EPHA1: variants seen among roughly 807,000 people sequenced by gnomAD.
EPHA1 encodes EPH receptor A1, also known as ephrin type-A receptor 1.
Under a neutral mutation model 110.1 loss-of-function variants are expected in EPHA1, and 92 were observed. The ratio of observed to expected loss-of-function variants is 0.84; its 90% CI spans 0.71 to 0.99. The LOEUF (loss-of-function observed/expected upper bound fraction) is 0.99, where lower values mean the gene tolerates loss of function less well. EPHA1 is among the 50% of genes least tolerant of loss of function. EPHA1 has a pLI of 0.00. For synonymous variants in EPHA1, 500 were observed against 516.1 expected (o/e 0.97, Z 0.42); for missense variants, 1,204 against 1,285.4 (o/e 0.94, Z 0.97).
chr7:143,396,572 G>A, intron 10 of EPHA1, 62 bp from the exon 11 acceptor site: 4 of 1,587,694 alleles, frequency 2.5e-6, no homozygotes, highest in Non-Finnish European at 3.4e-6. Context: ...TGGGGGTCAG[G>A]AGAAGGGCCA....
chr7:143,403,723 C>G (rs1805478554), intron 2 of EPHA1, among the ~76,000 whole-genome samples: 1 of 152,192 alleles, frequency 6.6e-6, no homozygotes, highest in Non-Finnish European at 1.5e-5. Context: ...ATACTAATAA[C>G]CTTTTTGCCT....
chr7:143,408,450 T>C (rs118005722), intron 1 of EPHA1, among the ~76,000 whole-genome samples: 2,972 of 152,104 alleles, frequency 0.02, 47 homozygotes, highest in Non-Finnish European at 0.029. Flanking sequence ...TGCTACTTCC[T>C]GGCAAGGGTC....
chr7:143,408,735 C>T lies in EPHA1; in HGVS notation c.71G>A (p.Arg24His), dbSNP rs79587607. 0.022 allele frequency: 21,140 copies of T among 948,062 alleles called. 1,638 individuals carry two copies. In the East Asian group the frequency reaches 0.3, roughly 13 times the overall value. The allele number at this position is 948,062 out of a possible 1,614,324, so 58.7% of individuals were successfully genotyped here. A position where few individuals can be genotyped will look rare whatever the true frequency, so the allele number is the denominator to read the frequency against. ...LLCAPLPPGARAKEVTLMDTS... is the reference protein window; with the variant it reads ...LLCAPLPPGAHAKEVTLMDTS... Reference sequence around the variant, plus strand: ...GCGGGGGTCGGTACCTTCCTTGGCGCGCGCCCCCGGGGGCAGCGGGGCGCA... The same window carrying T: ...GCGGGGGTCGGTACCTTCCTTGGCGTGCGCCCCCGGGGGCAGCGGGGCGCA... The change falls in exon 1 of 18, where the codon CGC becomes CAC. Residue 24 changes from arginine (R) to histidine (H), a missense_variant. Arg to His is a conservative substitution (Grantham distance 29). Coordinates refer to ENST00000275815, the MANE Select transcript of EPHA1 (RefSeq NM_005232.5).
chr7:143,400,221 G>A (rs1004508645), intron 3 of EPHA1, among the ~76,000 whole-genome samples, 168 bp from the exon 4 acceptor site: 2 of 152,198 alleles, frequency 1.3e-5, no homozygotes, highest in South Asian at 4.1e-4. Context: ...TTTAGCTCAT[G>A]CAATCCTCTT....
chr7:143,391,813 G>A, intron 16 of EPHA1, 38 bp from the exon 17 acceptor site: 2 of 1,605,938 alleles, frequency 1.2e-6, no homozygotes, highest in Non-Finnish European at 1.7e-6. Context: ...GCGGGTACAT[G>A]GGCTGATCTG....
intron 4 of EPHA1, 105 bp from the exon 5 acceptor site, chr7:143,399,518 A>C: frequency 3.9e-6 from 6 of 1,550,190 alleles, no homozygotes; most frequent in Non-Finnish European, 5.2e-6. Context: ...ACATCTCTGC[A>C]TGTGTGTGTC....
intron 1 of EPHA1, 69 bp downstream of exon 1, chr7:143,408,655 G>C (rs1805625717): frequency 7.7e-6 from 3 of 390,520 alleles, no homozygotes; most frequent in East Asian, 3.7e-5. Context: ...CTTCTGCAGG[G>C]GGGTGCTGGC....
In EPHA1 at chr7:143,398,379, C is replaced by T. The variant is rs758540262; in HGVS notation, c.1406G>A (p.Gly469Glu). The change falls in exon 7 of 18, where the codon GGG (glycine) becomes GAG (glutamate). Residue 469 changes from glycine (G) to glutamate (E), a missense_variant. Gly to Glu is a moderately conservative substitution (Grantham distance 98). Transcript: ENST00000275815. ...CGCCCCAGGGCTTCGGGGCCGGGAC[C>T]CCGCCCAGGTCAGCTCTAGTTGCCT... ...EPRQLELTWA[G>E]SRPRSPGANL... is the part of the protein sequence containing the mutation. The T allele has an allele frequency of 3.5e-5, 56 of 1,614,000 alleles. No homozygotes were observed. The highest frequency in any genetic ancestry group is 4.6e-5 in the Non-Finnish European group (54 of 1,180,010).
At chr7:143,404,499 G>A (rs1050779059) in intron 2 of EPHA1, among the ~76,000 whole-genome samples, 7 of 152,176 alleles carry the variant, frequency 4.6e-5, no homozygotes, top group African/African-American at 9.7e-5. Flanking sequence ...TTACAGGTGT[G>A]AGCCACCGCG....
At chr7:143,402,535 G>GGTAT (rs1805452675) in intron 2 of EPHA1, among the ~76,000 whole-genome samples, 1 of 152,176 alleles carries the variant, frequency 6.6e-6, no homozygotes, top group Non-Finnish European at 1.5e-5. Context: ...TGGGATTACA[G>GGTAT]GCATGCACCA....
chr7:143,392,558 C>G (rs781552192), intron 16 of EPHA1, among the ~76,000 whole-genome samples: 17 of 150,532 alleles, frequency 1.1e-4, no homozygotes, highest in Middle Eastern at 6.8e-3. Context: ...GCTCCCCCAC[C>G]CCCCCATCAG....
In EPHA1 at chr7:143,401,571, G is replaced by T; in HGVS notation, c.185C>A (p.Pro62His). 6.2e-7 allele frequency: 1 copy of T among 1,614,030 alleles called. No homozygotes were observed. Among genetic ancestry groups the T allele is most frequent in the Non-Finnish European group, 8.5e-7 (1 of 1,179,954 alleles). ...SEQQQILNGTPLYMYQDCPMQ... is the reference protein window; with the variant it reads ...SEQQQILNGTHLYMYQDCPMQ... Reference sequence around the variant, plus strand: ...TGGGCAGTCCTGGTACATGTACAGGGGTGTCCCATTCAGTATCTGTTGCTG... The same window carrying T: ...TGGGCAGTCCTGGTACATGTACAGGTGTGTCCCATTCAGTATCTGTTGCTG... Residue 62 changes from proline to histidine, a missense_variant, in exon 3 of 18, where the codon CCC becomes CAC. Coordinates refer to ENST00000275815, the MANE Select transcript of EPHA1 (RefSeq NM_005232.5). This position sits in a 1 kb window ranked among gnomAD's most constrained non-coding sequence, Gnocchi z 4.1.
At position 143,401,413 on chromosome 7, in the gene EPHA1, G is replaced by A. The variant is rs759367292; in HGVS notation, c.343C>T (p.Pro115Ser). 4 of 1,613,984 alleles carry A rather than the reference G, an allele frequency of 2.5e-6. No individual in the cohort carries two copies. The highest frequency in any genetic ancestry group is 8.5e-7 in the Non-Finnish European group (1 of 1,180,038). ...DCKSFPGGAG[P>S]LGCKETFNLL... ...TTGAAGGTCTCCTTGCAGCCCAGAGGCCCGGCTCCCCCAGGGAAACTCTTG... is the reference window on the plus strand; with the variant it reads ...TTGAAGGTCTCCTTGCAGCCCAGAGACCCGGCTCCCCCAGGGAAACTCTTG... Residue 115 changes from proline (P) to serine (S), a missense_variant, in exon 3 of 18, where the codon CCT becomes TCT. Pro to Ser is a moderately conservative substitution (Grantham distance 74). Transcript: ENST00000275815. The surrounding 1 kb of genome is among the most constrained non-coding windows in gnomAD (Gnocchi z 4.1).
chr7:143,398,691 T>A lies in EPHA1; in HGVS notation c.1246A>T (p.Thr416Ser). The A allele has an allele frequency of 6.2e-7, 1 of 1,614,004 alleles. No homozygotes were observed. Among genetic ancestry groups the A allele is most frequent in the Non-Finnish European group, 8.5e-7 (1 of 1,179,970 alleles). Reference protein sequence around the residue: ...VNGLEPYANYTFNVEAQNGVS... With the variant: ...VNGLEPYANYSFNVEAQNGVS... ...CCATTTTGGGCTTCCACATTAAAGG[T>A]GTAGTTGGCATAAGGTTCAAGGCCA... is the stretch of plus-strand genomic sequence containing the variant. Residue 416 changes from threonine to serine, a missense_variant, in exon 6 of 18, where the codon ACC becomes TCC. Physicochemically the swap from Thr to Ser is moderately conservative, Grantham distance 58 (BLOSUM62 1). Coordinates refer to ENST00000275815, the MANE Select transcript of EPHA1 (RefSeq NM_005232.5).
At chr7:143,396,308 G>A (rs1805242994) in intron 11 of EPHA1, 77 bp downstream of exon 11, 2 of 1,542,842 alleles carry the variant, frequency 1.3e-6, no homozygotes, top group South Asian at 1.2e-5. Context: ...GGGAAGCGCT[G>A]GAAGGAAGGG....
intron 10 of EPHA1, 91 bp from the exon 11 acceptor site, chr7:143,396,601 C>T: frequency 6.8e-7 from 1 of 1,471,312 alleles, no homozygotes; most frequent in Non-Finnish European, 9.3e-7. Flanking sequence ...CCACACACTT[C>T]TCCACACCTC....
intron 2 of EPHA1, among the ~76,000 whole-genome samples, chr7:143,405,973 C>T (rs750104934): frequency 8.5e-5 from 13 of 152,170 alleles, no homozygotes; most frequent in Non-Finnish European, 1.8e-4. Flanking sequence ...ACTTAGGCAG[C>T]CCCCTAAGTG....
In EPHA1 at chr7:143,401,643, C is replaced by T; in HGVS notation, c.151-38G>A. 1 of 1,591,990 alleles carries T rather than the reference C, an allele frequency of 6.3e-7. No homozygotes were observed. The highest frequency in any genetic ancestry group is 8.6e-7 in the Non-Finnish European group (1 of 1,165,122). On this transcript the variant is annotated intron_variant, in intron 2 of 17. Transcript: ENST00000275815. The surrounding 1 kb of genome is among the most constrained non-coding windows in gnomAD (Gnocchi z 4.1). ...AATCAGAGTCAGGGACCAGATCATC[C>T]CCTGCTCCCCAAACCCTTGGTTTTT...
At chr7:143,407,100 T>C (rs1805571320) in intron 2 of EPHA1, among the ~76,000 whole-genome samples, 1 of 152,108 alleles carries the variant, frequency 6.6e-6, no homozygotes, top group Non-Finnish European at 1.5e-5. Context: ...AAGAATTTGA[T>C]GAAAGCTTTG....
Sources: gnomAD v4.1 joint callset for allele counts (sites outside exome capture counted in the v4.1 genomes callset) on GRCh38, gnomAD v4.1.1 for gene constraint, Gnocchi (gnomAD v3.1) non-coding constraint, MANE v1.5 for transcripts, NCBI Gene and HGNC (gene_info 2026-07-23, HGNC 2026-07-21) for gene names.